The following SCRIB variants were observed in gnomAD, a reference collection of about 807,000 sequenced individuals.
SCRIB encodes the protein protein scribble homolog.
Under a neutral mutation model 170.0 loss-of-function variants are expected in SCRIB, and 72 were observed. That is an observed-to-expected ratio of 0.42 (90% CI 0.35 to 0.52). SCRIB has a LOEUF of 0.52. Ranked by LOEUF, SCRIB falls within the 20% of genes least tolerant of loss-of-function variation. The pLI is 0.02. For synonymous variants in SCRIB, 1,298 were observed against 1,044.3 expected (o/e 1.24, Z -4.68); for missense variants, 2,475 against 2,338.5 (o/e 1.06, Z -1.20).
At chr8:143,794,246 A>G (rs1273344945) in intron 27 of SCRIB, 1 of 446,660 alleles carries the variant, frequency 2.2e-6, no homozygotes. Flanking sequence ...CGGAGAAGAG[A>G]GCAGGGAGGG....
intron 35 of SCRIB, 54 bp downstream of exon 35, chr8:143,791,612 C>T (rs1456423104): frequency 1.2e-5 from 18 of 1,520,570 alleles, no homozygotes; most frequent in African/African-American, 4.1e-5. Flanking sequence ...CGGATGGGGG[C>T]GGTGGCAGGC....
At chr8:143,795,950 C>T (rs1814925289) in intron 24 of SCRIB, among the ~76,000 whole-genome samples, 1 of 152,086 alleles carries the variant, frequency 6.6e-6, no homozygotes, top group African/African-American at 2.4e-5. Flanking sequence ...GGCTCCAGAC[C>T]CCAGTGTGAG....
chr8:143,803,835 T>C lies in SCRIB; in HGVS notation c.3226A>G (p.Ser1076Gly), dbSNP rs569594365. Residue 1076 changes from serine (S) to glycine (G), a missense_variant, in exon 23 of 37, where the codon AGT becomes GGT. Around this residue, in one of 3 missense-constraint regions of SCRIB, gnomAD observed 1,966 missense variants for 1,742.9 expected, o/e 1.13. Transcript: ENST00000356994. ...TCCAGGCAGGGCCGGAGCAGGGCAC[T>C]GACTGCTTCTTGGTGCGTGGCATCC... ...VRDATHQEAV[S>G]ALLRPCLELS... The C allele has an allele frequency of 6.2e-7, 1 of 1,604,064 alleles. No individual in the cohort carries two copies. The highest frequency in any genetic ancestry group is 1.3e-5 in the African/African-American group (1 of 75,018).
chr8:143,808,864 G>C lies in SCRIB; in HGVS notation c.1860C>G (p.Pro620=), dbSNP rs753271234. 46 of 1,610,072 alleles carry C rather than the reference G, an allele frequency of 2.9e-5. 1 individual carries two copies. The South Asian group carries it at 4.8e-4, about 17-fold the overall frequency. ...GCAGAGCCACAACGGCCTCGGGCTG[G>C]GGCAGCTTGGAGATCTTGAAGTGCT... The part of the protein sequence containing the change: ...YKKHFKISKL[P]QPEAVVALLQ... The change falls in exon 15 of 37, where the codon CCC becomes CCG. Residue 620 remains proline (P), a synonymous_variant. Coordinates refer to ENST00000356994, the MANE Select transcript of SCRIB (RefSeq NM_182706.5).
chr8:143,791,832 C>G (rs781977515), intron 34 of SCRIB, 44 bp downstream of exon 34: 4 of 1,526,818 alleles, frequency 2.6e-6, no homozygotes, highest in Middle Eastern at 1.7e-4. Flanking sequence ...ACCCCACCCC[C>G]ATGCCTCGGG....
At position 143,809,675 on chromosome 8, in the gene SCRIB, C is replaced by T. The variant is rs780080169; in HGVS notation, c.1574G>A (p.Arg525His). 1.6e-5 allele frequency: 25 copies of T among 1,610,852 alleles called. No homozygotes were observed. Among genetic ancestry groups the T allele is most frequent in the Admixed American group, 1.5e-4 (9 of 60,000 alleles). ...SAESGLSEDS[R>H]PSASTVSEAE... ...CTCAGAGACTGTGCTGGCAGATGGG[C>T]GAGAGTCTTCACTCAGGCCAGACTC... The change falls in exon 14 of 37, where the codon CGC (arginine) becomes CAC (histidine). Residue 525 changes from arginine to histidine, a missense_variant. This residue lies in a region of SCRIB where 1,966 missense variants were observed against 1,742.9 expected (regional missense o/e 1.13). Coordinates refer to ENST00000356994, the MANE Select transcript of SCRIB (RefSeq NM_182706.5).
chr8:143,803,963 C>G, intron 22 of SCRIB, 23 bp from the exon 23 acceptor site: 1 of 1,573,322 alleles, frequency 6.4e-7, no homozygotes, highest in Non-Finnish European at 8.6e-7. Flanking sequence ...AGGGTGGCAG[C>G]TGGTGGCTGA....
intron 27 of SCRIB, among the ~76,000 whole-genome samples, chr8:143,794,562 T>C (rs112216580): frequency 2.6e-4 from 40 of 152,100 alleles, no homozygotes; most frequent in African/African-American, 9.4e-4. Flanking sequence ...GTGGGGCTGG[T>C]GGGGCGCACC....
rs1554632472 is a variant in SCRIB at position 143,791,158 on chromosome 8, C to G, written c.*5G>C. 5.0e-6 allele frequency: 7 copies of G among 1,396,200 alleles called. No homozygotes were observed. Among genetic ancestry groups the G allele is most frequent in the Non-Finnish European group, 6.5e-6 (7 of 1,073,976 alleles). The allele number at this position is 1,396,200 out of a possible 1,614,324, so 86.5% of individuals were successfully genotyped here. On this transcript the variant is annotated 3_prime_UTR_variant, in exon 37 of 37. Transcript: ENST00000356994. ...ACCCCAAGTCTGGGGGAGGTGCCTGCTCCTCTAGGAGGGCACAGGGCCCAG... is the reference window on the plus strand; with the variant it reads ...ACCCCAAGTCTGGGGGAGGTGCCTGGTCCTCTAGGAGGGCACAGGGCCCAG...
rs1181865549 is a variant in SCRIB, at chr8:143,804,083, G to A, written c.3083C>T (p.Pro1028Leu). 8 of 1,612,518 alleles carry A rather than the reference G, an allele frequency of 5.0e-6. No homozygotes were observed. Among genetic ancestry groups the A allele is most frequent in the Admixed American group, 1.7e-5 (1 of 59,918 alleles). Residue 1028 changes from proline (P) to leucine (L), a missense_variant, in exon 22 of 37, where the codon CCG (proline) becomes CTG (leucine). By Grantham distance (98) the Pro-to-Leu change is moderately conservative. This residue lies in a region of SCRIB where 1,966 missense variants were observed against 1,742.9 expected (regional missense o/e 1.13). Transcript: ENST00000356994. ...CACACCAGGCTCCTGGACACCAAAC[G>A]GGTGGCTGGAATGGTCGGAGCCTCC... ...IVGGSDHSSH[P>L]FGVQEPGVFI...
Position 143,813,007 on chromosome 8 carries a change from G to A in SCRIB, c.642+23C>T, listed in dbSNP as rs770219487. 15 of 1,609,350 alleles carry A rather than the reference G, an allele frequency of 9.3e-6. No individual in the cohort carries two copies. The South Asian group carries it at 1.7e-4, about 18-fold the overall frequency. On this transcript the variant is annotated intron_variant, in intron 7 of 36. Transcript: ENST00000356994. ...AGAGCGCGGATGGGCACGAAGCAGG[G>A]GGCCAGCCCCACCCTGACTCACCGG...
intron 13 of SCRIB, among the ~76,000 whole-genome samples, chr8:143,810,098 G>A (rs1205102728): frequency 6.6e-6 from 1 of 152,062 alleles, no homozygotes; most frequent in Non-Finnish European, 1.5e-5. Flanking sequence ...CAGCACGCAT[G>A]TCACAGCTCT....
Position 143,805,217 on chromosome 8 carries a change from C to T in SCRIB, c.2565G>A (p.Gly855=), listed in dbSNP as rs1815367135. The change falls in exon 19 of 37, where the codon GGG becomes GGA. Residue 855 remains glycine (G), a synonymous_variant. Coordinates refer to ENST00000356994, the MANE Select transcript of SCRIB (RefSeq NM_182706.5). ...AGGCCACGTGGCGCTGACGGAGGGG[C>T]CCGGGGCTCTCAGGCGGGAGCAGGG... ...RLPLLPPESP[G]PLRQRHVACL... The T allele has an allele frequency of 6.4e-7, 1 of 1,560,476 alleles. No individual in the cohort carries two copies. The highest frequency in any genetic ancestry group is 8.6e-7 in the Non-Finnish European group (1 of 1,157,688).
In SCRIB at chr8:143,813,292, C is replaced by G. The variant is rs372571277; in HGVS notation, c.567+19G>C. On this transcript the variant is annotated intron_variant, in intron 6 of 36. Transcript: ENST00000356994. ...CGTGGCCCGCCCTCCGGTCTCTGCC[C>G]TGTCAGGCCTCCACGCACCAGCACT... 5 of 1,613,164 alleles carry G rather than the reference C, an allele frequency of 3.1e-6. No individual in the cohort carries two copies. The highest frequency in any genetic ancestry group is 2.7e-5 in the African/African-American group (2 of 74,938).
At position 143,806,329 on chromosome 8, in the gene SCRIB, C is replaced by T. The variant is rs1461124041; in HGVS notation, c.2346+78G>A. 5.9e-6 allele frequency: 7 copies of T among 1,192,954 alleles called. No individual in the cohort carries two copies. In the African/African-American group the frequency reaches 9.1e-5, roughly 15 times the overall value. The allele number at this position is 1,192,954 out of a possible 1,614,324, so 73.9% of individuals were successfully genotyped here. Reference sequence around the variant, plus strand: ...TCTTGGGGAGGCCGGGAGAAGGCAGCCAAGCACCCTAATACCAGGGACCAT... The same window carrying T: ...TCTTGGGGAGGCCGGGAGAAGGCAGTCAAGCACCCTAATACCAGGGACCAT... On this transcript the variant is annotated intron_variant, in intron 18 of 36. Coordinates refer to ENST00000356994, the MANE Select transcript of SCRIB (RefSeq NM_182706.5).
chr8:143,814,317 G>A (rs921904892), intron 1 of SCRIB, among the ~76,000 whole-genome samples, 199 bp from the exon 2 acceptor site: 4 of 152,066 alleles, frequency 2.6e-5, no homozygotes, highest in African/African-American at 9.7e-5. Context: ...CACTGTGGCT[G>A]CCTCCCTCTA....
In SCRIB at chr8:143,807,555, TTCC is replaced by T; in HGVS notation, c.2172_2174del (p.Glu726del). 6.2e-7 allele frequency: 1 copy of T among 1,613,244 alleles called. No individual in the cohort carries two copies. The highest frequency in any genetic ancestry group is 8.5e-7 in the Non-Finnish European group (1 of 1,179,246). The stretch of plus-strand genomic sequence containing the variant: ...GTGCAGAGCGAGCAGTACAGACCTC[TTCC>T]TCCTCAATGCGAGCAGGCTCTATCA... On this transcript the variant is annotated inframe_deletion, in exon 16 of 37. Coordinates refer to ENST00000356994, the MANE Select transcript of SCRIB (RefSeq NM_182706.5).
rs1815277556 is a variant in SCRIB at position 143,803,746 on chromosome 8, C to T, written c.3315G>A (p.Lys1105=). 3.1e-6 allele frequency: 5 copies of T among 1,600,310 alleles called. No homozygotes were observed. Among genetic ancestry groups the T allele is most frequent in the Non-Finnish European group, 1.7e-6 (2 of 1,178,948 alleles). The part of the protein sequence containing the change: ...PPGLRELCIQ[K]APGERLGISI... ...TGATGCCCAGCCTCTCCCCAGGTGC[C>T]TTCTGGATGCACAGTTCCCGTAGGC... The change falls in exon 23 of 37, where the codon AAG becomes AAA. Residue 1105 remains lysine (K), a synonymous_variant. Transcript: ENST00000356994.
intron 35 of SCRIB, 111 bp from the exon 36 acceptor site, chr8:143,791,551 G>A (rs374798078): frequency 2.7e-5 from 43 of 1,567,970 alleles, no homozygotes; most frequent in African/African-American, 9.5e-5. Context: ...GAAGGGGGAG[G>A]GGGGGTGAAG....
Sources: gnomAD v4.1 joint callset for allele counts (sites outside exome capture counted in the v4.1 genomes callset) on GRCh38, gnomAD v4.1.1 for gene constraint, gnomAD v4.1.1 regional missense constraint, MANE v1.5 for transcripts, NCBI Gene and HGNC (gene_info 2026-07-23, HGNC 2026-07-21) for gene names.